The following VTA1 variants were observed in gnomAD, a reference collection of about 807,000 sequenced individuals.
VTA1 encodes the protein vesicle trafficking 1, also known as vacuolar protein sorting-associated protein VTA1 homolog.
VTA1 carries 24 observed loss-of-function variants against 36.9 expected under a neutral mutation model. That is an observed-to-expected ratio of 0.65 (90% CI 0.47 to 0.91). VTA1 has a LOEUF of 0.91. VTA1 is among the 40% of genes least tolerant of loss of function. VTA1 has a pLI of 0.00. For missense variants in VTA1, 393 were observed against 377.2 expected (o/e 1.04, Z -0.35); for synonymous variants, 142 against 130.2 (o/e 1.09, Z -0.62).
intron 4 of VTA1, among the ~76,000 whole-genome samples, chr6:142,187,912 CTTTTTTTT>C (rs58131768): frequency 2.5e-5 from 3 of 120,726 alleles, no homozygotes; most frequent in Non-Finnish European, 5.0e-5. Flanking sequence ...TACTTTCTTT[CTTTTTTTT>C]TTTTTTTTTT....
At chr6:142,194,564 T>C (rs1775512198) in intron 5 of VTA1, among the ~76,000 whole-genome samples, 1 of 152,152 alleles carries the variant, frequency 6.6e-6, no homozygotes, top group African/African-American at 2.4e-5. Context: ...GTCGTTAGCT[T>C]CTAATAGGAA....
intron 7 of VTA1, among the ~76,000 whole-genome samples, chr6:142,215,037 CTG>C (rs1000568979): frequency 3.1e-4 from 47 of 152,196 alleles, no homozygotes; most frequent in African/African-American, 1.1e-3. Flanking sequence ...ATGGCTCACT[CTG>C]GAGAATGGAA....
At chr6:142,170,002 C>T (rs1469524162) in intron 3 of VTA1, among the ~76,000 whole-genome samples, 1 of 151,952 alleles carries the variant, frequency 6.6e-6, no homozygotes, top group Non-Finnish European at 1.5e-5. Flanking sequence ...AAGGTACCCA[C>T]CCCAATCAAT....
At chr6:142,181,798 T>A (rs1775246365) in intron 4 of VTA1, among the ~76,000 whole-genome samples, 1 of 152,104 alleles carries the variant, frequency 6.6e-6, no homozygotes, top group South Asian at 2.1e-4. Flanking sequence ...AGTTATGATT[T>A]GGGGGGTATA....
At chr6:142,158,890 T>C (rs566413931) in intron 1 of VTA1, among the ~76,000 whole-genome samples, 120 of 152,282 alleles carry the variant, frequency 7.9e-4, no homozygotes, top group African/African-American at 2.8e-3. Context: ...TTACTGTCTT[T>C]TCCCCTCTCA....
intron 5 of VTA1, among the ~76,000 whole-genome samples, chr6:142,195,625 G>T (rs530160817): frequency 2.2e-5 from 3 of 137,630 alleles, no homozygotes; most frequent in Admixed American, 7.2e-5. Flanking sequence ...TAGCTTCTTA[G>T]GGAGGAAATG....
rs575363893 is a variant in VTA1 at position 142,147,381 on chromosome 6, C to T, written c.94C>T (p.Pro32Ser). The T allele has an allele frequency of 7.4e-6, 12 of 1,614,128 alleles. No homozygotes were observed. In the South Asian group the frequency reaches 1.2e-4, roughly 16 times the overall value. Residue 32 changes from proline (P) to serine (S), a missense_variant, in exon 1 of 8, where the codon CCT becomes TCT. By Grantham distance (74) the Pro-to-Ser change is moderately conservative (BLOSUM62 -1). Coordinates refer to ENST00000367630, the MANE Select transcript of VTA1 (RefSeq NM_016485.5). ...GGCTCAGGAGCATGACAAGCGAGACCCTGTGGTGGCTTATTACTGTGAGTC... is the reference window on the plus strand; with the variant it reads ...GGCTCAGGAGCATGACAAGCGAGACTCTGTGGTGGCTTATTACTGTGAGTC... ...RTAQEHDKRD[P>S]VVAYYCRLYA... is the part of the protein sequence containing the mutation.
chr6:142,166,264 A>G lies in VTA1; in HGVS notation c.149A>G (p.Asp50Gly), dbSNP rs757393774. The G allele has an allele frequency of 8.7e-6, 14 of 1,612,526 alleles. No individual in the cohort carries two copies. Among genetic ancestry groups the G allele is most frequent in the East Asian group, 6.7e-5 (3 of 44,782 alleles). ...LYAMQTGMKI[D>G]SKTPECRKFL... Reference sequence around the variant, plus strand: ...GCAATGCAGACTGGAATGAAGATCGATAGTAAAACTCCTGAATGTCGCAAA... The same window carrying G: ...GCAATGCAGACTGGAATGAAGATCGGTAGTAAAACTCCTGAATGTCGCAAA... The change falls in exon 2 of 8, where the codon GAT (aspartate) becomes GGT (glycine). Residue 50 changes from aspartate to glycine, a missense_variant. Coordinates refer to ENST00000367630, the MANE Select transcript of VTA1 (RefSeq NM_016485.5).
At chr6:142,185,377 G>A (rs577993141) in intron 4 of VTA1, among the ~76,000 whole-genome samples, 1 of 149,526 alleles carries the variant, frequency 6.7e-6, no homozygotes, top group East Asian at 1.9e-4. Flanking sequence ...AGTATGTTGA[G>A]GTTAACTATA....
rs529103614 is a variant in VTA1, at chr6:142,220,966, G to A, written c.*2323G>A. ...ACATTTAATCAGTGGCTCTCCGAGTGTGATTAGAAATACAAATTTTGGGCC... is the reference window on the plus strand; with the variant it reads ...ACATTTAATCAGTGGCTCTCCGAGTATGATTAGAAATACAAATTTTGGGCC... On this transcript the variant is annotated 3_prime_UTR_variant, in exon 8 of 8. Coordinates refer to ENST00000367630, the MANE Select transcript of VTA1 (RefSeq NM_016485.5). 1 of 152,244 alleles carries A rather than the reference G, an allele frequency of 6.6e-6. No individual in the cohort carries two copies. Among genetic ancestry groups the A allele is most frequent in the South Asian group, 2.1e-4 (1 of 4,820 alleles). 9.4% of individuals were successfully genotyped at this position (152,244 alleles called of 1,614,324 possible).
chr6:142,186,914 A>G (rs1727908710), intron 4 of VTA1, among the ~76,000 whole-genome samples: 1 of 152,104 alleles, frequency 6.6e-6, no homozygotes, highest in Non-Finnish European at 1.5e-5. Context: ...GTGAGATAAT[A>G]AATGGCAACT....
chr6:142,216,306 CA>C (rs1201812707), intron 7 of VTA1, among the ~76,000 whole-genome samples: 1 of 152,008 alleles, frequency 6.6e-6, no homozygotes, highest in Non-Finnish European at 1.5e-5. Context: ...AATTAGGTGA[CA>C]TTTTATTTTT....
chr6:142,151,257 G>A (rs1275269810), intron 1 of VTA1, among the ~76,000 whole-genome samples: 1 of 152,188 alleles, frequency 6.6e-6, no homozygotes, highest in African/African-American at 2.4e-5. Context: ...GGAAATCTCA[G>A]TCTTTCAGAG....
chr6:142,169,579 T>C lies in VTA1; in HGVS notation c.237T>C (p.Ala79=), dbSNP rs748787848. Residue 79 remains alanine (A), a synonymous_variant, in exon 3 of 8, where the codon GCT becomes GCC. Coordinates refer to ENST00000367630, the MANE Select transcript of VTA1 (RefSeq NM_016485.5). Reference sequence around the variant, plus strand: ...AGAAGCAGTTGGGTGATAATGAAGCTATTACTCAAGAAATAGTGGGCTGTG... The same window carrying C: ...AGAAGCAGTTGGGTGATAATGAAGCCATTACTCAAGAAATAGTGGGCTGTG... ...ALKKQLGDNE[A]ITQEIVGCAH... is the part of the protein sequence containing the mutation. 3 of 1,607,876 alleles carry C rather than the reference T, an allele frequency of 1.9e-6. No individual in the cohort carries two copies. The highest frequency in any genetic ancestry group is 2.5e-6 in the Non-Finnish European group (3 of 1,178,742).
At chr6:142,188,732 C>G (rs1331049002) in intron 4 of VTA1, among the ~76,000 whole-genome samples, 2 of 125,060 alleles carry the variant, frequency 1.6e-5, no homozygotes, top group African/African-American at 3.0e-5. Context: ...ATCCAAAATT[C>G]TAAGAGATTT....
intron 4 of VTA1, among the ~76,000 whole-genome samples, chr6:142,173,993 CT>C (rs1775072392): frequency 6.6e-6 from 1 of 152,140 alleles, no homozygotes; most frequent in Non-Finnish European, 1.5e-5. Flanking sequence ...TGCACTGGTG[CT>C]AGAATAAAGT....
intron 1 of VTA1, among the ~76,000 whole-genome samples, chr6:142,150,852 C>T (rs912778790): frequency 6.7e-6 from 1 of 150,074 alleles, no homozygotes; most frequent in Non-Finnish European, 1.5e-5. Flanking sequence ...GCAGAAGTCG[C>T]AGTAAGCTGA....
chr6:142,206,441 G>A (rs1193514636), intron 7 of VTA1, among the ~76,000 whole-genome samples: 1 of 152,184 alleles, frequency 6.6e-6, no homozygotes, highest in East Asian at 1.9e-4. Context: ...GAATGCTCAT[G>A]AAAGAGTCAA....
At chr6:142,168,508 T>C (rs1424715851) in intron 2 of VTA1, among the ~76,000 whole-genome samples, 2 of 151,892 alleles carry the variant, frequency 1.3e-5, no homozygotes, top group African/African-American at 4.8e-5. Flanking sequence ...CAGAGAGTTA[T>C]TTTATTCCTG....
Sources: allele counts gnomAD v4.1 joint callset (sites outside exome capture counted in the v4.1 genomes callset), GRCh38; gene constraint gnomAD v4.1.1; transcripts MANE v1.5; gene names NCBI Gene and HGNC (gene_info 2026-07-23, HGNC 2026-07-21).